TSHZ2: variants seen among roughly 807,000 people sequenced by gnomAD.
TSHZ2 encodes the protein teashirt zinc finger homeobox 2, also known as teashirt homolog 2.
TSHZ2 carries 21 observed loss-of-function variants against 74.4 expected under a neutral mutation model. That is an observed-to-expected ratio of 0.28 (90% CI 0.20 to 0.41). The LOEUF is 0.41. Ranked by LOEUF, TSHZ2 falls within the 10% of genes least tolerant of loss-of-function variation. The pLI is 1.00. For missense variants in TSHZ2, 1,244 were observed against 1,293.5 expected, an observed-to-expected ratio of 0.96 and a Z score of 0.59; for synonymous variants, 540 against 515.3, an observed-to-expected ratio of 1.05 and a Z score of -0.65.
chr20:53,234,054 T>A (rs1989886305), intron 1 of TSHZ2, among the ~76,000 whole-genome samples: 1 of 152,226 alleles, frequency 6.6e-6, no homozygotes, highest in African/African-American at 2.4e-5. Context: ...AGTATTTTTC[T>A]GATTAAGAAG....
intron 1 of TSHZ2, among the ~76,000 whole-genome samples, chr20:53,120,787 A>G (rs1007180427): frequency 6.6e-6 from 1 of 152,240 alleles, no homozygotes; most frequent in Non-Finnish European, 1.5e-5. Context: ...ATTCAAACAC[A>G]TTTGTATTTT....
intron 1 of TSHZ2, among the ~76,000 whole-genome samples, chr20:53,186,622 C>G (rs1038250239): frequency 1.3e-5 from 2 of 152,130 alleles, no homozygotes; most frequent in African/African-American, 4.8e-5. Context: ...AACCGAGGTA[C>G]CCCCATTATT....
intron 1 of TSHZ2, among the ~76,000 whole-genome samples, chr20:53,198,761 A>T (rs1988932706): frequency 6.6e-6 from 1 of 152,246 alleles, no homozygotes. Flanking sequence ...GAGCTGGCTT[A>T]TTCCGACTTG....
chr20:53,427,775 C>T (rs1254736482), intron 2 of TSHZ2, among the ~76,000 whole-genome samples: 3 of 152,216 alleles, frequency 2.0e-5, no homozygotes, highest in Admixed American at 2.0e-4. Flanking sequence ...TGCTGCCTTT[C>T]CATGGTCTTC....
intron 1 of TSHZ2, among the ~76,000 whole-genome samples, chr20:53,122,834 G>A (rs1986849078): frequency 6.6e-6 from 1 of 152,258 alleles, no homozygotes; most frequent in African/African-American, 2.4e-5. Flanking sequence ...ATCTAGAATT[G>A]GTGGGGGACA....
intron 2 of TSHZ2, among the ~76,000 whole-genome samples, chr20:53,265,740 G>A (rs1253110476): frequency 6.6e-6 from 1 of 152,194 alleles, no homozygotes. Context: ...ACTTTTGAAA[G>A]AGAGGAAGGT....
chr20:53,237,504 A>AGTGT lies in TSHZ2; in HGVS notation c.41-15975_41-15972dup, dbSNP rs59294548. On this transcript the variant is annotated intron_variant, in intron 1 of 2. Transcript: ENST00000371497. ...CTCTGTCTCTCTCTTTCTCTGTGTG[A>AGTGT]GTGTGTGTGTGTGTGTGTGTGTGCG... Among the ~76,000 whole-genome samples the AGTGT allele has an allele frequency of 7.5e-3, 1,124 of 149,698 alleles. 20 individuals carry two copies. The highest frequency in any genetic ancestry group is 0.052 in the East Asian group (263 of 5,078).
At chr20:53,314,867 C>G (rs1978936229) in intron 2 of TSHZ2, among the ~76,000 whole-genome samples, 1 of 152,158 alleles carries the variant, frequency 6.6e-6, no homozygotes, top group South Asian at 2.1e-4. Context: ...AGTGATCAGC[C>G]TGCCTCAGCC....
chr20:53,155,903 AC>A (rs1403252158), intron 1 of TSHZ2, among the ~76,000 whole-genome samples: 2 of 151,938 alleles, frequency 1.3e-5, no homozygotes, highest in Admixed American at 6.6e-5. Flanking sequence ...AGACAATACC[AC>A]CCCTGGATGT....
At chr20:53,050,516 A>G (rs937036354) in intron 1 of TSHZ2, among the ~76,000 whole-genome samples, 7 of 152,220 alleles carry the variant, frequency 4.6e-5, no homozygotes, top group Non-Finnish European at 8.8e-5. Context: ...AGATGAATCA[A>G]AGAATGTCTT....
intron 1 of TSHZ2, among the ~76,000 whole-genome samples, chr20:53,218,996 G>C (rs1158627006): frequency 6.6e-6 from 1 of 152,138 alleles, no homozygotes; most frequent in African/African-American, 2.4e-5. Flanking sequence ...TTCAAAACAA[G>C]ATTGGGCAAA....
chr20:53,309,249 G>T (rs769185416), intron 2 of TSHZ2, among the ~76,000 whole-genome samples: 19 of 152,178 alleles, frequency 1.2e-4, no homozygotes, highest in Non-Finnish European at 2.4e-4. Flanking sequence ...CACACAGATT[G>T]TTGGGCTACT....
At chr20:53,089,496 G>C (rs1985809831) in intron 1 of TSHZ2, among the ~76,000 whole-genome samples, 1 of 152,062 alleles carries the variant, frequency 6.6e-6, no homozygotes, top group Non-Finnish European at 1.5e-5. Context: ...AAAACTTTAT[G>C]AAGTATCTAT....
In TSHZ2 at chr20:53,490,599, C is replaced by A. The variant is rs986848900; in HGVS notation, c.*3464C>A. 1 of 152,210 alleles carries A rather than the reference C, an allele frequency of 6.6e-6. No homozygotes were observed. Among genetic ancestry groups the A allele is most frequent in the East Asian group, 1.9e-4 (1 of 5,206 alleles). The allele number at this position is 152,210 out of a possible 1,614,324, so 9.4% of individuals were successfully genotyped here. A position where few individuals can be genotyped will look rare whatever the true frequency, so the allele number is the denominator to read the frequency against. ...AACTGGATAACCCAGACAGTCCCCA[C>A]AGAATTTCTTTCAGGTCACAGATTT... is the stretch of plus-strand genomic sequence containing the variant. On this transcript the variant is annotated 3_prime_UTR_variant, in exon 3 of 3. Transcript: ENST00000371497.
intron 2 of TSHZ2, among the ~76,000 whole-genome samples, chr20:53,282,171 T>G (rs1410281137): frequency 6.6e-6 from 1 of 152,188 alleles, no homozygotes; most frequent in Non-Finnish European, 1.5e-5. Context: ...TGAATAAAGG[T>G]AGACTCTCCA....
chr20:53,275,658 T>C (rs1009168843), intron 2 of TSHZ2, among the ~76,000 whole-genome samples: 6 of 152,256 alleles, frequency 3.9e-5, no homozygotes, highest in Admixed American at 3.9e-4. Flanking sequence ...CTGGGCACGC[T>C]GGCTCATGCC....
At chr20:53,436,315 T>G (rs1393261828) in intron 2 of TSHZ2, among the ~76,000 whole-genome samples, 1 of 152,074 alleles carries the variant, frequency 6.6e-6, no homozygotes, top group Admixed American at 6.6e-5. Flanking sequence ...TCTTTTCTTT[T>G]ATCTCCAAGA....
At chr20:53,359,507 A>G (rs1463979640) in intron 2 of TSHZ2, among the ~76,000 whole-genome samples, 1 of 152,236 alleles carries the variant, frequency 6.6e-6, no homozygotes, top group Non-Finnish European at 1.5e-5. Flanking sequence ...TGAAACTCAC[A>G]TTTAACTGGG....
At chr20:53,308,689 A>G (rs912904925) in intron 2 of TSHZ2, among the ~76,000 whole-genome samples, 4 of 152,114 alleles carry the variant, frequency 2.6e-5, no homozygotes, top group African/African-American at 9.7e-5. Flanking sequence ...TCATTTATAC[A>G]TTTTTGTGCC....
Sources: allele counts gnomAD v4.1 joint callset (sites outside exome capture counted in the v4.1 genomes callset), GRCh38; gene constraint gnomAD v4.1.1; transcripts MANE v1.5; gene names NCBI Gene and HGNC (gene_info 2026-07-23, HGNC 2026-07-21).